PIWIL1: variants seen among roughly 807,000 people sequenced by gnomAD.
PIWIL1 encodes the protein piwi like RNA-mediated gene silencing 1.
A neutral mutation model predicts 114.4 loss-of-function variants in PIWIL1; 73 were observed. That is an observed-to-expected ratio of 0.64 (90% CI 0.53 to 0.78). PIWIL1 has a LOEUF of 0.78. Among genes scored for constraint, PIWIL1 ranks in the 30% least tolerant of loss-of-function variants. The pLI, the probability that PIWIL1 is intolerant of heterozygous loss-of-function variation, is 0.00. For synonymous variants in PIWIL1, 375 were observed against 369.0 expected, an observed-to-expected ratio of 1.02 and a Z score of -0.19; for missense variants, 723 against 1,063.1, an observed-to-expected ratio of 0.68 and a Z score of 4.45.
chr12:130,347,355 C>T (rs770767719), intron 6 of PIWIL1, among the ~76,000 whole-genome samples: 4 of 152,200 alleles, frequency 2.6e-5, no homozygotes, highest in Non-Finnish European at 4.4e-5. Flanking sequence ...CTTCTCCCCA[C>T]GGTGGGTCCT....
the PIWIL1 span, chr12:130,424,301 C>G: frequency 8.1e-7 from 1 of 1,231,590 alleles, no homozygotes; most frequent in Non-Finnish European, 1.0e-6. This position sits in a 1 kb window ranked among gnomAD's most constrained non-coding sequence, Gnocchi z 9.8. Flanking sequence ...CCGGGCCGGG[C>G]TGGGGGTCGT....
the PIWIL1 span, chr12:130,407,744 C>T: frequency 8.7e-5 from 140 of 1,613,776 alleles, no homozygotes; most frequent in East Asian, 4.5e-5. Context: ...CGACGTTGGG[C>T]GAGCTTTCTC....
the PIWIL1 span, among the ~76,000 whole-genome samples, chr12:130,393,564 C>T: frequency 3.3e-5 from 5 of 152,180 alleles, no homozygotes; most frequent in Admixed American, 2.0e-4. Context: ...GTTGTGATGA[C>T]CCAGTCACCA....
chr12:130,397,708 C>G, the PIWIL1 span: 1 of 391,046 alleles, frequency 2.6e-6, no homozygotes, highest in African/African-American at 2.1e-5. Context: ...AAGGTCCTCT[C>G]CCACAGCACG....
chr12:130,404,425 G>A, the PIWIL1 span, among the ~76,000 whole-genome samples: 1 of 152,252 alleles, frequency 6.6e-6, no homozygotes, highest in Admixed American at 6.5e-5. Flanking sequence ...AGCCTCCAAA[G>A]TAGCTGGGAT....
downstream of PIWIL1, among the ~76,000 whole-genome samples, chr12:130,373,744 A>G (rs968610458): frequency 6.6e-6 from 1 of 152,144 alleles, no homozygotes; most frequent in African/African-American, 2.4e-5. Context: ...TCTCCTTAAC[A>G]TCGTCTTGGT....
Position 130,345,738 on chromosome 12 carries a change from C to G in PIWIL1, c.191-15C>G. On this transcript the variant is annotated splice_polypyrimidine_tract_variant and intron_variant, in intron 3 of 20. Transcript: ENST00000245255. ...TCGTGCTTTATGTTGCTCAAGTACA[C>G]AATTTTTTTTTAAGGACTCCAGATA... The G allele has an allele frequency of 6.2e-7, 1 of 1,612,962 alleles. No homozygotes were observed. Among genetic ancestry groups the G allele is most frequent in the Non-Finnish European group, 8.5e-7 (1 of 1,179,418 alleles).
chr12:130,367,346 A>G lies in PIWIL1; in HGVS notation c.2321+88A>G, dbSNP rs553323150. On this transcript the variant is annotated intron_variant, in intron 19 of 20. Coordinates refer to ENST00000245255, the MANE Select transcript of PIWIL1 (RefSeq NM_004764.5). ...CCCTATGCTTTACCAATTTTAATAC[A>G]TTTTACTTTTGTTCTTATATTTTTT... The G allele has an allele frequency of 1.5e-5, 18 of 1,211,718 alleles. No individual in the cohort carries two copies. In the South Asian group the frequency reaches 2.4e-4, roughly 16 times the overall value. 75.1% of individuals were successfully genotyped at this position (1,211,718 alleles called of 1,614,324 possible).
At chr12:130,356,878 C>T in intron 12 of PIWIL1, 40 bp from the exon 13 acceptor site, 3 of 1,452,858 alleles carry the variant, frequency 2.1e-6, no homozygotes, top group Non-Finnish European at 2.8e-6. Flanking sequence ...TCACTGAGAA[C>T]TTACAATGGA....
the PIWIL1 span, chr12:130,397,039 C>T: frequency 5.3e-6 from 1 of 188,456 alleles, no homozygotes; most frequent in Admixed American, 6.1e-5. Context: ...GGGCAGATGA[C>T]AAATGCACAA....
rs374456201 is a variant in PIWIL1 at position 130,345,740 on chromosome 12, A to AT, written c.191-4dup. On this transcript the variant is annotated splice_polypyrimidine_tract_variant and intron_variant, in intron 3 of 20. Coordinates refer to ENST00000245255, the MANE Select transcript of PIWIL1 (RefSeq NM_004764.5). ...GTGCTTTATGTTGCTCAAGTACACA[A>AT]TTTTTTTTTAAGGACTCCAGATATC... 588 of 1,547,646 alleles carry AT rather than the reference A, an allele frequency of 3.8e-4. No homozygotes were observed. Among genetic ancestry groups the AT allele is most frequent in the South Asian group, 6.0e-4 (52 of 87,218 alleles).
At chr12:130,424,054 TG>T in the PIWIL1 span, 1 of 683,632 alleles carries the variant, frequency 1.5e-6, no homozygotes, top group Non-Finnish European at 2.1e-6. The surrounding 1 kb of genome is among the most constrained non-coding windows in gnomAD (Gnocchi z 9.8). Flanking sequence ...TCCCCAGGGA[TG>T]GACACCAGAA....
rs540779355 is a variant in PIWIL1 at position 130,356,571 on chromosome 12, G to A, written c.1405-347G>A. 5.5e-4 allele frequency among the ~76,000 whole-genome samples: 84 copies of A among 152,174 alleles called. 1 individual carries two copies. The highest frequency in any genetic ancestry group is 2.0e-3 in the African/African-American group (82 of 41,518). On this transcript the variant is annotated intron_variant, in intron 12 of 20. Transcript: ENST00000245255. The stretch of plus-strand genomic sequence containing the variant: ...TCAGTCAAGTTGTTTTACTCTCAAA[G>A]CCTTATTTTTTAATATTTTCATTAT...
At chr12:130,389,168 T>C in the PIWIL1 span, among the ~76,000 whole-genome samples, 12,016 of 152,062 alleles carry the variant, frequency 0.079, 681 homozygotes, top group South Asian at 0.21. Flanking sequence ...AACTTGGTTC[T>C]TTTTTTTAAA....
At chr12:130,366,422 G>A (rs948398668) in intron 18 of PIWIL1, 3 of 152,366 alleles carry the variant, frequency 2.0e-5, no homozygotes, top group African/African-American at 7.2e-5. Context: ...ACAGCTGATA[G>A]TGCACGGCTG....
intron 1 of PIWIL1, among the ~76,000 whole-genome samples, chr12:130,338,766 CGGGGTGCGGGGGCGATGTATCAGGTGTGG>C (rs1484958864): frequency 3.7e-5 from 4 of 108,528 alleles, no homozygotes; most frequent in Admixed American, 1.0e-4. Flanking sequence ...GTGCAGGGGC[CGGGGTGCGGGGGCGATGTATCAGGTGTGG>C]GGGGTGCGGG....
intron 12 of PIWIL1, among the ~76,000 whole-genome samples, chr12:130,356,168 TTA>T (rs137963430): frequency 0.044 from 6,647 of 152,186 alleles, 250 homozygotes; most frequent in South Asian, 0.18. Flanking sequence ...GATCATTTGT[TTA>T]TAGAGATAAT....
the PIWIL1 span, among the ~76,000 whole-genome samples, chr12:130,383,047 C>T: frequency 6.6e-6 from 1 of 152,194 alleles, no homozygotes; most frequent in South Asian, 2.1e-4. Context: ...AGATTGCAAG[C>T]TTTATCAGTT....
At chr12:130,422,139 T>C in the PIWIL1 span, among the ~76,000 whole-genome samples, 1 of 152,144 alleles carries the variant, frequency 6.6e-6, no homozygotes, top group Non-Finnish European at 1.5e-5. The surrounding 1 kb of genome is among the most constrained non-coding windows in gnomAD (Gnocchi z 5.2). Context: ...TGACCCTGAG[T>C]GTCCCAGGGA....
Sources: gnomAD v4.1 joint callset for allele counts (sites outside exome capture counted in the v4.1 genomes callset) on GRCh38, gnomAD v4.1.1 for gene constraint, Gnocchi (gnomAD v3.1) non-coding constraint, MANE v1.5 for transcripts, NCBI Gene and HGNC (gene_info 2026-07-23, HGNC 2026-07-21) for gene names.